Variants in ACYP2 observed in about 807,000 individuals in gnomAD.
ACYP2 encodes acylphosphatase 2.
Under a neutral mutation model 11.2 loss-of-function variants are expected in ACYP2, and 12 were observed. The ratio of observed to expected loss-of-function variants is 1.08; its 90% CI spans 0.69 to 1.74. ACYP2 has a LOEUF of 1.74. ACYP2 is among the 40% of genes most tolerant of loss of function. The pLI, the probability that ACYP2 is intolerant of heterozygous loss-of-function variation, is 0.00. For missense variants in ACYP2, 134 were observed against 101.9 expected (o/e 1.31, Z -1.35); for synonymous variants, 43 against 32.2 (o/e 1.33, Z -1.13).
At chr2:54,254,707 T>A (rs1572998905) in intron 6 of ACYP2, 2 of 559,094 alleles carry the variant, frequency 3.6e-6, no homozygotes, top group South Asian at 5.1e-5. Flanking sequence ...GCATGTGATG[T>A]TAATGCAGAA....
intron 4 of ACYP2, among the ~76,000 whole-genome samples, chr2:54,086,990 A>C (rs1677981101): frequency 6.6e-6 from 1 of 152,254 alleles, no homozygotes; most frequent in South Asian, 2.1e-4. Context: ...ATCTACAGGC[A>C]ACTAGTAGAG....
In ACYP2 at chr2:54,194,003, A is replaced by T. The variant is rs190768239; in HGVS notation, c.404+55255A>T. 1.5e-4 allele frequency among the ~76,000 whole-genome samples: 23 copies of T among 152,294 alleles called. No individual in the cohort carries two copies. The East Asian group carries it at 1.5e-3, about 10-fold the overall frequency. On this transcript the variant is annotated intron_variant, in intron 6 of 6. Coordinates refer to ENST00000607452, the MANE Select transcript of ACYP2 (RefSeq NM_001320586.2). ...ATTTCCAAATAGGCATGATATATGA[A>T]GCCTTAGGACTGATCATCTTTCACC...
intron 6 of ACYP2, among the ~76,000 whole-genome samples, chr2:54,302,313 T>G (rs1174247924): frequency 1.3e-5 from 2 of 152,032 alleles, no homozygotes; most frequent in Non-Finnish European, 2.9e-5. Flanking sequence ...CAATGGCCAG[T>G]TCTCATTTCT....
At chr2:54,085,021 A>G (rs1173943761) in intron 4 of ACYP2, 1 of 152,182 alleles carries the variant, frequency 6.6e-6, no homozygotes, top group Non-Finnish European at 1.5e-5. Context: ...GGAATATTCT[A>G]TGTCTTCAAC....
intron 2 of ACYP2, among the ~76,000 whole-genome samples, chr2:54,014,786 G>A (rs917395572): frequency 6.6e-6 from 1 of 151,196 alleles, no homozygotes; most frequent in Admixed American, 6.6e-5. Flanking sequence ...TCAAGACAGG[G>A]TCTTGCTCTG....
chr2:54,264,028 T>C (rs1687903093), intron 6 of ACYP2, among the ~76,000 whole-genome samples: 1 of 152,164 alleles, frequency 6.6e-6, no homozygotes, highest in East Asian at 1.9e-4. Context: ...CAGAATTGGT[T>C]CCATCTGGTG....
chr2:54,200,745 G>A (rs1255406486), intron 6 of ACYP2, among the ~76,000 whole-genome samples: 1 of 152,150 alleles, frequency 6.6e-6, no homozygotes, highest in Non-Finnish European at 1.5e-5. Context: ...GTGTACATAT[G>A]TTATTTGTTC....
At chr2:54,288,690 C>A (rs1159241747) in intron 6 of ACYP2, among the ~76,000 whole-genome samples, 1 of 152,008 alleles carries the variant, frequency 6.6e-6, no homozygotes. Flanking sequence ...ATTCCTTGAC[C>A]AGAGAAGAGC....
chr2:54,141,980 A>G, intron 6 of ACYP2: 1 of 497,130 alleles, frequency 2.0e-6, no homozygotes, highest in Non-Finnish European at 3.7e-6. Flanking sequence ...CATGCTGGCT[A>G]ATTTGTGTGT....
At chr2:54,057,602 G>A (rs1676225530) in intron 4 of ACYP2, among the ~76,000 whole-genome samples, 1 of 152,124 alleles carries the variant, frequency 6.6e-6, no homozygotes, top group African/African-American at 2.4e-5. Context: ...AGAGAAGTAC[G>A]TTTTATTAGA....
intron 2 of ACYP2, among the ~76,000 whole-genome samples, chr2:54,006,931 C>G (rs1231165923): frequency 6.6e-6 from 1 of 151,802 alleles, no homozygotes; most frequent in Non-Finnish European, 1.5e-5. Context: ...TCAAGACCAG[C>G]CTGGCCAATA....
intron 6 of ACYP2, among the ~76,000 whole-genome samples, chr2:54,140,271 G>A (rs1172593302): frequency 1.3e-5 from 2 of 152,100 alleles, no homozygotes; most frequent in Admixed American, 1.3e-4. Context: ...TGATTCGAGG[G>A]AGCCTAGAAA....
intron 6 of ACYP2, among the ~76,000 whole-genome samples, chr2:54,288,676 A>G (rs943499703): frequency 4.6e-5 from 7 of 152,158 alleles, no homozygotes; most frequent in African/African-American, 1.2e-4. Context: ...AGCTTTTAGG[A>G]TCAATTCCTT....
At chr2:54,114,428 A>C (rs1679629286) in intron 4 of ACYP2, among the ~76,000 whole-genome samples, 1 of 150,696 alleles carries the variant, frequency 6.6e-6, no homozygotes, top group Non-Finnish European at 1.5e-5. Flanking sequence ...TCACACCTGT[A>C]ATCCCAGCAC....
chr2:54,114,094 G>T (rs933484077), intron 4 of ACYP2, among the ~76,000 whole-genome samples: 2 of 151,920 alleles, frequency 1.3e-5, no homozygotes, highest in Non-Finnish European at 2.9e-5. Flanking sequence ...TTCTCTAATA[G>T]AATTGGCACA....
chr2:54,003,108 A>G (rs556904054), intron 2 of ACYP2, among the ~76,000 whole-genome samples: 1 of 150,060 alleles, frequency 6.7e-6, no homozygotes. Flanking sequence ...GCCATCATGC[A>G]CAGCTAATTT....
At chr2:54,170,516 T>C (rs1012825766) in intron 6 of ACYP2, among the ~76,000 whole-genome samples, 15 of 152,226 alleles carry the variant, frequency 9.9e-5, no homozygotes, top group Admixed American at 8.5e-4. Flanking sequence ...TACCAGGTGA[T>C]AGAAAAACTT....
intron 6 of ACYP2, among the ~76,000 whole-genome samples, chr2:54,209,853 A>G (rs181661154): frequency 6.6e-6 from 1 of 152,286 alleles, no homozygotes; most frequent in Non-Finnish European, 1.5e-5. Context: ...AATAAAATTT[A>G]AATCAAGGCC....
At chr2:53,981,904 G>A (rs990082661) in intron 2 of ACYP2, among the ~76,000 whole-genome samples, 1 of 152,094 alleles carries the variant, frequency 6.6e-6, no homozygotes, top group African/African-American at 2.4e-5. Flanking sequence ...TTTATTTAAT[G>A]ATAAAAAATT....
Sources: allele counts gnomAD v4.1 joint callset (sites outside exome capture counted in the v4.1 genomes callset), GRCh38; gene constraint gnomAD v4.1.1; transcripts MANE v1.5; gene names NCBI Gene and HGNC (gene_info 2026-07-23, HGNC 2026-07-21).